The following ERBB4 variants were observed in gnomAD, a reference collection of about 807,000 sequenced individuals.
ERBB4 encodes the protein receptor tyrosine-protein kinase erbB-4.
A neutral mutation model predicts 158.0 loss-of-function variants in ERBB4; 42 were observed. The ratio of observed to expected loss-of-function variants is 0.27; its 90% CI spans 0.21 to 0.34. The LOEUF (loss-of-function observed/expected upper bound fraction) is 0.34, where lower values mean the gene tolerates loss of function less well. ERBB4 is among the 10% of genes least tolerant of loss of function. The pLI, the probability that ERBB4 is intolerant of heterozygous loss-of-function variation, is 1.00. For synonymous variants in ERBB4, 583 were observed against 558.7 expected (o/e 1.04, Z -0.61); for missense variants, 1,333 against 1,624.1 (o/e 0.82, Z 3.08).
intron 1 of ERBB4, among the ~76,000 whole-genome samples, chr2:212,417,441 T>A (rs2091683491): frequency 6.6e-6 from 1 of 152,030 alleles, no homozygotes; most frequent in Admixed American, 6.6e-5. Context: ...TTTTGAGCGC[T>A]GACATTACAC....
At chr2:212,409,105 A>C (rs1305332606) in intron 1 of ERBB4, among the ~76,000 whole-genome samples, 4 of 152,194 alleles carry the variant, frequency 2.6e-5, no homozygotes, top group Non-Finnish European at 5.9e-5. Flanking sequence ...GCAGAATTTT[A>C]CTTCATTTTA....
At chr2:211,517,282 T>G (rs1382340221) in intron 20 of ERBB4, among the ~76,000 whole-genome samples, 1 of 152,094 alleles carries the variant, frequency 6.6e-6, no homozygotes, top group Non-Finnish European at 1.5e-5. Flanking sequence ...TCTGAAATAG[T>G]GATAATGATA....
chr2:211,600,054 C>T (rs16846562), intron 19 of ERBB4, among the ~76,000 whole-genome samples: 1,965 of 152,214 alleles, frequency 0.013, 39 homozygotes, highest in African/African-American at 0.044. Flanking sequence ...ATGTATAGTG[C>T]TGTTCATTAT....
At chr2:211,496,398 C>T (rs1431931673) in intron 20 of ERBB4, among the ~76,000 whole-genome samples, 3 of 151,910 alleles carry the variant, frequency 2.0e-5, no homozygotes, top group Non-Finnish European at 4.4e-5. Context: ...TAATCTCTGC[C>T]AAATCAGGCT....
At position 212,168,525 on chromosome 2, in the gene ERBB4, C is replaced by T. The variant is rs73073241; in HGVS notation, c.83-43622G>A. Among the ~76,000 whole-genome samples, 517 of 152,156 alleles carry T rather than the reference C, an allele frequency of 3.4e-3. 3 individuals are homozygous for T. Among genetic ancestry groups the T allele is most frequent in the African/African-American group, 0.012 (485 of 41,544 alleles). ...AGAGAAAGACATACATTTCATAATT[C>T]CAGATTCTTAAGGACCTTAAAATCC... is the stretch of plus-strand genomic sequence containing the variant. On this transcript the variant is annotated intron_variant, in intron 1 of 27. Transcript: ENST00000342788.
chr2:212,176,223 A>C (rs542266346), intron 1 of ERBB4, among the ~76,000 whole-genome samples: 18 of 152,044 alleles, frequency 1.2e-4, no homozygotes, highest in African/African-American at 4.3e-4. Flanking sequence ...CTAAAGATAG[A>C]AGCTGTTATA....
At chr2:211,439,511 C>T (rs1483695424) in intron 20 of ERBB4, among the ~76,000 whole-genome samples, 3 of 152,088 alleles carry the variant, frequency 2.0e-5, no homozygotes, top group Non-Finnish European at 4.4e-5. Flanking sequence ...TTGTAATCTA[C>T]TGAGTATATT....
intron 1 of ERBB4, among the ~76,000 whole-genome samples, chr2:212,256,002 T>TTA (rs1553605786): frequency 1.9e-5 from 2 of 105,076 alleles, no homozygotes; most frequent in Non-Finnish European, 4.0e-5. Context: ...TATTTATTTA[T>TTA]TTTTTTTTTA....
intron 12 of ERBB4, among the ~76,000 whole-genome samples, chr2:211,683,277 T>C (rs73080790): frequency 0.01 from 1,552 of 152,248 alleles, 24 homozygotes; most frequent in African/African-American, 0.035. Context: ...GATTTCCTCA[T>C]AGCAAGAATC....
At chr2:211,392,296 A>G (rs2062813711) in intron 25 of ERBB4, among the ~76,000 whole-genome samples, 1 of 152,134 alleles carries the variant, frequency 6.6e-6, no homozygotes, top group South Asian at 2.1e-4. Context: ...AGTTCAACAT[A>G]CCAGTGTTTT....
intron 1 of ERBB4, among the ~76,000 whole-genome samples, chr2:212,140,034 G>A (rs2080399757): frequency 6.6e-6 from 1 of 151,636 alleles, no homozygotes; most frequent in South Asian, 2.1e-4. Flanking sequence ...CTTTTCAGAT[G>A]CATTTACCAC....
intron 2 of ERBB4, among the ~76,000 whole-genome samples, chr2:212,062,457 T>C: frequency 7.3e-6 from 1 of 137,576 alleles, no homozygotes; most frequent in South Asian, 2.5e-4. Flanking sequence ...CTCACTCTGT[T>C]GCCAGGCTGG....
At chr2:211,725,474 A>T (rs1275701431) in intron 5 of ERBB4, among the ~76,000 whole-genome samples, 4 of 135,392 alleles carry the variant, frequency 3.0e-5, no homozygotes, top group Non-Finnish European at 6.2e-5. Flanking sequence ...AGTCAGGCAC[A>T]GTGGAGTGTG....
chr2:211,588,255 T>C (rs1377903609), intron 19 of ERBB4, among the ~76,000 whole-genome samples: 3 of 152,118 alleles, frequency 2.0e-5, no homozygotes, highest in African/African-American at 2.4e-5. Flanking sequence ...TGGGCAAGCA[T>C]TGAGTAAACT....
intron 1 of ERBB4, among the ~76,000 whole-genome samples, chr2:212,458,166 C>T (rs1448403615): frequency 1.3e-5 from 2 of 151,968 alleles, no homozygotes; most frequent in Admixed American, 1.3e-4. Context: ...AAAAACAAAG[C>T]AGAAACATTG....
chr2:211,899,884 T>C (rs1018599913), intron 3 of ERBB4, among the ~76,000 whole-genome samples: 2 of 152,290 alleles, frequency 1.3e-5, no homozygotes, highest in African/African-American at 4.8e-5. Context: ...TAAAATGCTA[T>C]ATTATTGATG....
chr2:211,515,206 G>A (rs984301132), intron 20 of ERBB4, among the ~76,000 whole-genome samples: 1 of 152,072 alleles, frequency 6.6e-6, no homozygotes, highest in African/African-American at 2.4e-5. Flanking sequence ...TGAATCTGAA[G>A]GGAACCAAGA....
intron 1 of ERBB4, among the ~76,000 whole-genome samples, chr2:212,134,517 C>G (rs1194977732): frequency 2.6e-5 from 4 of 151,736 alleles, no homozygotes; most frequent in Non-Finnish European, 5.9e-5. Flanking sequence ...TCATAATTTT[C>G]ATTACATAAA....
chr2:212,016,858 G>A (rs1433514135), intron 2 of ERBB4, among the ~76,000 whole-genome samples: 1 of 151,956 alleles, frequency 6.6e-6, no homozygotes, highest in Non-Finnish European at 1.5e-5. Context: ...ATACATTTGA[G>A]CATTATTTGG....
Sources: allele counts gnomAD v4.1 joint callset (sites outside exome capture counted in the v4.1 genomes callset), GRCh38; gene constraint gnomAD v4.1.1; transcripts MANE v1.5; gene names NCBI Gene and HGNC (gene_info 2026-07-23, HGNC 2026-07-21).